CCDC158: variants seen among roughly 807,000 people sequenced by gnomAD.
CCDC158 encodes the protein coiled-coil domain containing 158, also known as coiled-coil domain-containing protein 158.
In CCDC158, 116 loss-of-function variants were observed where a neutral mutation model predicts 138.6. The observed-to-expected ratio is 0.84, with a 90% CI of 0.72 to 0.98. The LOEUF (loss-of-function observed/expected upper bound fraction) is 0.98. Ranked by LOEUF, CCDC158 falls within the 50% of genes least tolerant of loss-of-function variation. The probability of loss-of-function intolerance (pLI) is 0.00; values close to 1 mark genes in which losing one functional copy is unlikely to be tolerated. For missense variants in CCDC158, 1,265 were observed against 1,306.1 expected, an observed-to-expected ratio of 0.97 and a Z score of 0.48; for synonymous variants, 436 against 442.4, an observed-to-expected ratio of 0.99 and a Z score of 0.18.
chr4:76,355,073 C>T lies in CCDC158; in HGVS notation c.2286+251G>A, dbSNP rs539291227. ...GTATGTCACATTATAATGGAACTCA[C>T]TGTATTTTGTTTATAATCATTCCTT... On this transcript the variant is annotated intron_variant, in intron 15 of 24. Coordinates refer to ENST00000682701, the MANE Select transcript of CCDC158 (RefSeq NM_001394954.1). 2.7e-4 allele frequency among the ~76,000 whole-genome samples: 41 copies of T among 152,214 alleles called. 1 individual carries two copies. The South Asian group carries it at 8.5e-3, about 32-fold the overall frequency.
chr4:76,373,819 A>G (rs1725470444), intron 9 of CCDC158, among the ~76,000 whole-genome samples: 1 of 152,240 alleles, frequency 6.6e-6, no homozygotes, highest in Non-Finnish European at 1.5e-5. Context: ...ATGTATAAAA[A>G]GTATTTCACC....
chr4:76,343,709 G>A (rs112240901), intron 18 of CCDC158, among the ~76,000 whole-genome samples: 1,774 of 152,242 alleles, frequency 0.012, 33 homozygotes, highest in African/African-American at 0.041. Context: ...ACTGAGGCAT[G>A]AGAATTGCTT....
intron 24 of CCDC158, among the ~76,000 whole-genome samples, chr4:76,314,594 C>A (rs1719192465): frequency 1.3e-5 from 2 of 152,178 alleles, no homozygotes; most frequent in African/African-American, 4.8e-5. Flanking sequence ...TGCCTCTCAA[C>A]AAATACCCCC....
At chr4:76,354,066 G>T (rs1723300625) in intron 15 of CCDC158, among the ~76,000 whole-genome samples, 1 of 151,932 alleles carries the variant, frequency 6.6e-6, no homozygotes, top group African/African-American at 2.4e-5. Context: ...AAGGAAAGAG[G>T]AATTAATTGT....
intron 9 of CCDC158, among the ~76,000 whole-genome samples, chr4:76,377,401 C>T (rs1725816122): frequency 6.6e-6 from 1 of 152,150 alleles, no homozygotes; most frequent in African/African-American, 2.4e-5. Context: ...TGGACTGTGA[C>T]ACAACAGCTC....
At chr4:76,420,567 A>G (rs1730033193) in intron 1 of CCDC158, among the ~76,000 whole-genome samples, 1 of 152,208 alleles carries the variant, frequency 6.6e-6, no homozygotes, top group African/African-American at 2.4e-5. Context: ...GCCGGCATTT[A>G]ACACCATTCC....
Position 76,379,323 on chromosome 4 carries a change from T to C in CCDC158, c.996A>G (p.Glu332=). 1 of 1,609,528 alleles carries C rather than the reference T, an allele frequency of 6.2e-7. No homozygotes were observed. Among genetic ancestry groups the C allele is most frequent in the Non-Finnish European group, 8.5e-7 (1 of 1,178,496 alleles). ...LESTVSQLRS[E]LREAKRMYED... ...CATACATCCTTTTGGCTTCCCTTAA[T>C]TCAGAACGTAGCTGAGAAACAGTAG... The change falls in exon 9 of 25, where the codon GAA becomes GAG. Residue 332 remains glutamate, a synonymous_variant. Transcript: ENST00000682701.
intron 4 of CCDC158, among the ~76,000 whole-genome samples, chr4:76,395,411 AT>A (rs1331446387): frequency 2.0e-5 from 3 of 152,174 alleles, no homozygotes; most frequent in African/African-American, 7.2e-5. Context: ...AATGAGTAAA[AT>A]TAGATGTACT....
chr4:76,350,959 G>A, intron 18 of CCDC158, 37 bp downstream of exon 18: 1 of 1,589,564 alleles, frequency 6.3e-7, no homozygotes, highest in Non-Finnish European at 8.6e-7. Flanking sequence ...TTACGCATAT[G>A]TCATTTGCGT....
At chr4:76,389,724 C>G (rs566777734) in intron 4 of CCDC158, among the ~76,000 whole-genome samples, 1 of 152,218 alleles carries the variant, frequency 6.6e-6, no homozygotes, top group South Asian at 2.1e-4. Flanking sequence ...AGAAAAGAAA[C>G]AAATAACATA....
In CCDC158 at chr4:76,313,101, G is replaced by A. The variant is rs143511378; in HGVS notation, c.*69C>T. 3 of 896,912 alleles carry A rather than the reference G, an allele frequency of 3.3e-6. No individual in the cohort carries two copies. The highest frequency in any genetic ancestry group is 3.4e-5 in the African/African-American group (2 of 58,846). 55.6% of individuals were successfully genotyped at this position (896,912 alleles called of 1,614,324 possible). A position where few individuals can be genotyped will look rare whatever the true frequency, so the allele number is the denominator to read the frequency against. ...CACATAAAAAGAAAAAGTACACAGG[G>A]CACTAATTACGAGTAACACCACAAT... On this transcript the variant is annotated 3_prime_UTR_variant, in exon 25 of 25. Transcript: ENST00000682701.
intron 10 of CCDC158, 116 bp from the exon 11 acceptor site, chr4:76,369,739 G>T: frequency 1.2e-6 from 1 of 835,762 alleles, no homozygotes. Context: ...TTTGATTTTG[G>T]AATCTGATTC....
intron 8 of CCDC158, among the ~76,000 whole-genome samples, chr4:76,380,284 T>C (rs1205541561): frequency 6.6e-6 from 1 of 152,168 alleles, no homozygotes; most frequent in African/African-American, 2.4e-5. Flanking sequence ...AGAGACTTGT[T>C]GAATGGTTGT....
chr4:76,314,523 C>T (rs1265773454), intron 24 of CCDC158, among the ~76,000 whole-genome samples: 1 of 152,208 alleles, frequency 6.6e-6, no homozygotes, highest in Non-Finnish European at 1.5e-5. Flanking sequence ...TGGCATGCCA[C>T]TGCAAATTCC....
intron 1 of CCDC158, among the ~76,000 whole-genome samples, 47 bp downstream of exon 1, chr4:76,420,918 A>G (rs1220441883): frequency 1.3e-5 from 2 of 151,600 alleles, no homozygotes; most frequent in South Asian, 2.1e-4. Context: ...GAAGAACCCC[A>G]CTCCCACCCC....
intron 15 of CCDC158, among the ~76,000 whole-genome samples, chr4:76,354,456 A>G (rs937564568): frequency 7.9e-5 from 12 of 152,162 alleles, no homozygotes; most frequent in African/African-American, 2.9e-4. Context: ...CTTATTTTCT[A>G]CTTGTCATTT....
rs373397460 is a variant in CCDC158, at chr4:76,362,363, C to A, written c.1831-48G>T. The A allele has an allele frequency of 2.2e-6, 3 of 1,377,208 alleles. No individual in the cohort carries two copies. In the African/African-American group the frequency reaches 4.4e-5, roughly 20 times the overall value. 85.3% of individuals were successfully genotyped at this position (1,377,208 alleles called of 1,614,324 possible). On this transcript the variant is annotated intron_variant, in intron 12 of 24. Coordinates refer to ENST00000682701, the MANE Select transcript of CCDC158 (RefSeq NM_001394954.1). Reference sequence around the variant, plus strand: ...AGGATAGAGAAGTAAAAAATATGTACATGTATAGTTATAATTGATAGCTGC... The same window carrying A: ...AGGATAGAGAAGTAAAAAATATGTAAATGTATAGTTATAATTGATAGCTGC...
intron 21 of CCDC158, 94 bp downstream of exon 21, chr4:76,331,250 T>G (rs1720978249): frequency 1.8e-6 from 2 of 1,097,690 alleles, no homozygotes; most frequent in Non-Finnish European, 2.8e-6. Context: ...TCTACTGCAG[T>G]GCATGGCACA....
intron 22 of CCDC158, among the ~76,000 whole-genome samples, chr4:76,326,481 T>TAATG (rs1222298312): frequency 6.6e-6 from 1 of 152,138 alleles, no homozygotes; most frequent in Non-Finnish European, 1.5e-5. Flanking sequence ...AGGGTCCAGA[T>TAATG]AATGGGCTTA....
Sources: gnomAD v4.1 joint callset for allele counts (sites outside exome capture counted in the v4.1 genomes callset) on GRCh38, gnomAD v4.1.1 for gene constraint, MANE v1.5 for transcripts, NCBI Gene and HGNC (gene_info 2026-07-23, HGNC 2026-07-21) for gene names.